RIMS2: variants seen among roughly 807,000 people sequenced by gnomAD.
RIMS2 encodes regulating synaptic membrane exocytosis 2.
RIMS2 carries 59 observed loss-of-function variants against 174.4 expected under a neutral mutation model. The ratio of observed to expected loss-of-function variants is 0.34; its 90% CI spans 0.27 to 0.42. The LOEUF (loss-of-function observed/expected upper bound fraction) is 0.42. Ranked by LOEUF, RIMS2 falls within the 10% of genes least tolerant of loss-of-function variation. The pLI, the probability that RIMS2 is intolerant of heterozygous loss-of-function variation, is 1.00. For synonymous variants in RIMS2, 606 were observed against 572.5 expected (o/e 1.06, Z -0.84); for missense variants, 1,620 against 1,666.3 (o/e 0.97, Z 0.48).
intron 19 of RIMS2, among the ~76,000 whole-genome samples, chr8:104,056,259 C>T (rs1375328594): frequency 6.6e-6 from 1 of 151,848 alleles, no homozygotes; most frequent in Admixed American, 6.6e-5. Flanking sequence ...AAAAAATTAG[C>T]CGGGCATGGT....
chr8:103,602,910 T>C, intron 1 of RIMS2, among the ~76,000 whole-genome samples: 1 of 152,222 alleles, frequency 6.6e-6, no homozygotes, highest in Non-Finnish European at 1.5e-5. Flanking sequence ...GCTGAAATAA[T>C]TTACAGTCCC....
chr8:104,060,867 T>G (rs2096972203), intron 19 of RIMS2, among the ~76,000 whole-genome samples: 1 of 152,232 alleles, frequency 6.6e-6, no homozygotes, highest in South Asian at 2.1e-4. Context: ...AGTTTCCATG[T>G]AGTTGAGCGG....
intron 19 of RIMS2, among the ~76,000 whole-genome samples, chr8:104,090,205 G>A (rs902226827): frequency 2.0e-5 from 3 of 151,654 alleles, no homozygotes; most frequent in Non-Finnish European, 4.4e-5. Flanking sequence ...GTGAAAAAAG[G>A]CATAAAACTA....
rs576770783 is a variant in RIMS2, at chr8:103,860,874, G to A, written c.699-24424G>A. On this transcript the variant is annotated intron_variant, in intron 3 of 23. Coordinates refer to ENST00000504942, the Ensembl canonical transcript of RIMS2. ...CTATGACATTCCTATACACACATAA[G>A]CATTTTATCCAAGTACAAATGTTAA... Among the ~76,000 whole-genome samples the A allele has an allele frequency of 3.9e-5, 6 of 152,078 alleles. No individual in the cohort carries two copies. The South Asian group carries it at 1.2e-3, about 32-fold the overall frequency.
chr8:103,600,710 C>A (rs1415678489), intron 1 of RIMS2, among the ~76,000 whole-genome samples: 1 of 152,192 alleles, frequency 6.6e-6, no homozygotes, highest in Non-Finnish European at 1.5e-5. Context: ...GCTGTGTAAC[C>A]ATCAGTGGGA....
At chr8:104,006,816 G>T (rs147870750) in intron 17 of RIMS2, among the ~76,000 whole-genome samples, 1,734 of 151,742 alleles carry the variant, frequency 0.011, 39 homozygotes, top group African/African-American at 0.039. Context: ...ATATATTTGG[G>T]TTTGGGTTTT....
At chr8:103,770,392 T>A (rs149364020) in intron 3 of RIMS2, among the ~76,000 whole-genome samples, 23,924 of 152,064 alleles carry the variant, frequency 0.16, 1,992 homozygotes, top group Middle Eastern at 0.24. Flanking sequence ...CATGGCCAAC[T>A]TGGTGAAACC....
intron 3 of RIMS2, chr8:103,768,668 C>G: frequency 2.5e-6 from 2 of 806,402 alleles, no homozygotes; most frequent in South Asian, 1.3e-5. Context: ...ACTACGATGC[C>G]TCATCACCTG....
At chr8:104,146,023 C>G (rs909665809) in intron 19 of RIMS2, among the ~76,000 whole-genome samples, 1 of 151,794 alleles carries the variant, frequency 6.6e-6, no homozygotes, top group African/African-American at 2.4e-5. Flanking sequence ...CTGGTGATCT[C>G]TAAGTTTCAA....
At chr8:104,223,641 C>A in intron 19 of RIMS2, 1 of 1,586,932 alleles carries the variant, frequency 6.3e-7, no homozygotes, top group Non-Finnish European at 8.5e-7. Context: ...AAAAGCGGGT[C>A]CTCGTCCAAG....
intron 14 of RIMS2, among the ~76,000 whole-genome samples, chr8:103,959,627 T>C (rs2089150195): frequency 6.6e-6 from 1 of 152,062 alleles, no homozygotes; most frequent in Non-Finnish European, 1.5e-5. Context: ...TTTTACTATG[T>C]TGCCCAGGCT....
At chr8:104,228,416 G>A (rs1161242469) in intron 19 of RIMS2, among the ~76,000 whole-genome samples, 3 of 152,120 alleles carry the variant, frequency 2.0e-5, no homozygotes, top group African/African-American at 7.2e-5. Flanking sequence ...AGTAAATAAT[G>A]TACTTAATTC....
chr8:103,674,082 G>A (rs1319301511), intron 1 of RIMS2, among the ~76,000 whole-genome samples: 1 of 152,142 alleles, frequency 6.6e-6, no homozygotes, highest in African/African-American at 2.4e-5. Flanking sequence ...TTTTGCTTAG[G>A]CATAACATGC....
chr8:104,216,144 T>A (rs1166277884), intron 19 of RIMS2, among the ~76,000 whole-genome samples: 1 of 152,240 alleles, frequency 6.6e-6, no homozygotes, highest in Non-Finnish European at 1.5e-5. Context: ...ATATGCTGAT[T>A]CCTAAAACTT....
intron 1 of RIMS2, among the ~76,000 whole-genome samples, chr8:103,661,566 T>C (rs981520818): frequency 5.9e-5 from 9 of 152,094 alleles, no homozygotes; most frequent in African/African-American, 2.2e-4. Flanking sequence ...TGCAGTGGCG[T>C]GATCTTGGCT....
At chr8:104,170,868 C>T (rs1444030066) in intron 19 of RIMS2, among the ~76,000 whole-genome samples, 1 of 152,018 alleles carries the variant, frequency 6.6e-6, no homozygotes, top group African/African-American at 2.4e-5. Context: ...CAAATCCCCT[C>T]AAGATTTGTC....
At chr8:103,572,817 A>G (rs747845600) in intron 1 of RIMS2, among the ~76,000 whole-genome samples, 9 of 152,126 alleles carry the variant, frequency 5.9e-5, no homozygotes, top group Non-Finnish European at 1.3e-4. Flanking sequence ...ACTTGGATAC[A>G]TAGTTTGCAA....
chr8:104,100,969 A>C (rs1198789215), intron 19 of RIMS2, among the ~76,000 whole-genome samples: 1 of 127,604 alleles, frequency 7.8e-6, no homozygotes, highest in African/African-American at 3.1e-5. Context: ...TATATTATAT[A>C]GTATATATGA....
chr8:103,785,641 G>A (rs1027094317), intron 3 of RIMS2, among the ~76,000 whole-genome samples: 2 of 152,052 alleles, frequency 1.3e-5, no homozygotes, highest in African/African-American at 4.8e-5. Flanking sequence ...TGGTGGATAA[G>A]CTTTTTGATG....
Sources: allele counts gnomAD v4.1 joint callset (sites outside exome capture counted in the v4.1 genomes callset), GRCh38; gene constraint gnomAD v4.1.1; transcripts MANE v1.5; gene names NCBI Gene and HGNC (gene_info 2026-07-23, HGNC 2026-07-21).